Variants in DIAPH1 observed in about 807,000 individuals in gnomAD.
DIAPH1 encodes diaphanous related formin 1.
A neutral mutation model predicts 140.7 loss-of-function variants in DIAPH1; 46 were observed. That is an observed-to-expected ratio of 0.33 (90% CI 0.26 to 0.42). The LOEUF is 0.42. DIAPH1 is among the 10% of genes least tolerant of loss of function. DIAPH1 has a pLI of 1.00. For synonymous variants in DIAPH1, 565 were observed against 551.6 expected, an observed-to-expected ratio of 1.02 and a Z score of -0.34; for missense variants, 1,310 against 1,558.7, an observed-to-expected ratio of 0.84 and a Z score of 2.69.
intron 18 of DIAPH1, among the ~76,000 whole-genome samples, chr5:141,543,255 G>A (rs1428174273): frequency 6.6e-6 from 1 of 152,136 alleles, no homozygotes; most frequent in Non-Finnish European, 1.5e-5. Flanking sequence ...AGTGAAAGAA[G>A]CCAGACACAA....
intron 19 of DIAPH1, among the ~76,000 whole-genome samples, chr5:141,531,760 T>C (rs747213218): frequency 3.3e-5 from 5 of 152,178 alleles, no homozygotes; most frequent in Non-Finnish European, 5.9e-5. Context: ...AGTGCTGGGA[T>C]TACAGCCATG....
At chr5:141,582,261 A>G (rs763085477) in intron 7 of DIAPH1, 51 bp downstream of exon 7, 2 of 1,391,034 alleles carry the variant, frequency 1.4e-6, no homozygotes, top group Non-Finnish European at 2.0e-6. Context: ...AATAGAAGAG[A>G]AAGAACAGGC....
intron 3 of DIAPH1, 152 bp from the exon 4 acceptor site, chr5:141,584,377 C>G (rs1303903996): frequency 1.1e-5 from 7 of 631,348 alleles, no homozygotes; most frequent in Admixed American, 4.9e-5. Context: ...TAAGCTATTA[C>G]AGCTGATGAA....
At chr5:141,571,856 A>T (rs192224626) in intron 17 of DIAPH1, 70 bp downstream of exon 17, 10 of 1,099,708 alleles carry the variant, frequency 9.1e-6, no homozygotes, top group Non-Finnish European at 1.4e-5. Flanking sequence ...AGGGAAGGGA[A>T]TAGGAAACCT....
At chr5:141,599,464 C>CTG (rs1398431874) in intron 1 of DIAPH1, among the ~76,000 whole-genome samples, 1 of 152,190 alleles carries the variant, frequency 6.6e-6, no homozygotes, top group Non-Finnish European at 1.5e-5. Context: ...TCCTTACACT[C>CTG]TGACGATTCT....
chr5:141,600,543 T>C (rs936923851), intron 1 of DIAPH1, among the ~76,000 whole-genome samples: 3 of 152,228 alleles, frequency 2.0e-5, no homozygotes, highest in African/African-American at 7.2e-5. Flanking sequence ...AAAAGGCTCA[T>C]GAGTCCTGAT....
chr5:141,578,503 G>GT lies in DIAPH1; in HGVS notation c.1044+11dup, dbSNP rs752683243. 4 of 1,605,790 alleles carry GT rather than the reference G, an allele frequency of 2.5e-6. No individual in the cohort carries two copies. In the African/African-American group the frequency reaches 4.0e-5, roughly 16 times the overall value. ...ACCAGTCTAGCCTTTCTAATGAAGT[G>GT]TAATATCTTACCTGCAACACCTGAT... On this transcript the variant is annotated intron_variant, in intron 10 of 27. Coordinates refer to ENST00000389054, the MANE Select transcript of DIAPH1 (RefSeq NM_005219.5).
At chr5:141,554,762 G>C (rs1286873510) in intron 18 of DIAPH1, among the ~76,000 whole-genome samples, 1 of 152,110 alleles carries the variant, frequency 6.6e-6, no homozygotes, top group Non-Finnish European at 1.5e-5. Context: ...CAGTTAATAT[G>C]CTTCCCACAA....
chr5:141,578,533 C>T lies in DIAPH1; in HGVS notation c.1026G>A (p.Gly342=), dbSNP rs1479604388. 1.9e-6 allele frequency: 3 copies of T among 1,613,770 alleles called. No homozygotes were observed. Among genetic ancestry groups the T allele is most frequent in the Non-Finnish European group, 2.5e-6 (3 of 1,179,830 alleles). The change falls in exon 10 of 28, where the codon GGG becomes GGA. Residue 342 remains glycine, a synonymous_variant. Transcript: ENST00000389054. The part of the protein sequence containing the change: ...VHIRSELMRL[G]LHQVLQDLRE... ...ATCTTACCTGCAACACCTGATGTAG[C>T]CCCAAACGCATCAGTTCACTTCTGA...
chr5:141,594,403 G>T (rs917862376), intron 1 of DIAPH1, among the ~76,000 whole-genome samples: 1 of 152,148 alleles, frequency 6.6e-6, no homozygotes, highest in Non-Finnish European at 1.5e-5. Flanking sequence ...TTGTCTTAGT[G>T]CTAATCTTAA....
At chr5:141,551,763 G>T (rs1281572156) in intron 18 of DIAPH1, among the ~76,000 whole-genome samples, 1 of 152,102 alleles carries the variant, frequency 6.6e-6, no homozygotes, top group Admixed American at 6.5e-5. Flanking sequence ...AAAACAAATA[G>T]AATACAGAAA....
intron 1 of DIAPH1, among the ~76,000 whole-genome samples, chr5:141,616,397 A>C (rs931593118): frequency 3.9e-5 from 6 of 152,344 alleles, no homozygotes; most frequent in East Asian, 1.9e-4. Context: ...TATACAGTAC[A>C]TTCTTAATGG....
intron 1 of DIAPH1, 113 bp downstream of exon 1, chr5:141,618,685 A>C: frequency 3.0e-6 from 2 of 673,926 alleles, no homozygotes; most frequent in East Asian, 3.5e-5. Flanking sequence ...GAAACGAGGA[A>C]GGAAGGCGCG....
chr5:141,577,865 C>T (rs2099896194), intron 11 of DIAPH1: 1 of 497,962 alleles, frequency 2.0e-6, no homozygotes, highest in Non-Finnish European at 3.6e-6. Flanking sequence ...GTAACTGCCT[C>T]AAAGTCACTT....
At chr5:141,594,571 C>T (rs189522046) in intron 1 of DIAPH1, among the ~76,000 whole-genome samples, 6 of 151,888 alleles carry the variant, frequency 4.0e-5, no homozygotes, top group Non-Finnish European at 5.9e-5. Flanking sequence ...GTGAAAACAC[C>T]GCCTCTACTA....
chr5:141,575,986 G>T (rs991550756), intron 14 of DIAPH1, among the ~76,000 whole-genome samples: 1 of 152,152 alleles, frequency 6.6e-6, no homozygotes, highest in Non-Finnish European at 1.5e-5. Context: ...AGTATCATCT[G>T]TCTTTCTTTT....
chr5:141,586,901 A>T, intron 3 of DIAPH1, 141 bp downstream of exon 3: 1 of 851,832 alleles, frequency 1.2e-6, no homozygotes, highest in Non-Finnish European at 2.0e-6. Flanking sequence ...TTATGGGATT[A>T]AAGGGTTAAT....
At chr5:141,537,785 A>T (rs967537561) in intron 18 of DIAPH1, among the ~76,000 whole-genome samples, 1 of 152,344 alleles carries the variant, frequency 6.6e-6, no homozygotes, top group Non-Finnish European at 1.5e-5. Context: ...TATGTATTAG[A>T]CTGGGATAGG....
chr5:141,528,421 T>C, intron 23 of DIAPH1, 32 bp downstream of exon 23: 1 of 1,613,842 alleles, frequency 6.2e-7, no homozygotes, highest in Admixed American at 1.7e-5. Context: ...GCAGAGACTT[T>C]TGGGCTCTAG....
Sources: gnomAD v4.1 joint callset for allele counts (sites outside exome capture counted in the v4.1 genomes callset) on GRCh38, gnomAD v4.1.1 for gene constraint, MANE v1.5 for transcripts, NCBI Gene and HGNC (gene_info 2026-07-23, HGNC 2026-07-21) for gene names.